CYP2C8: variants seen among roughly 807,000 people sequenced by gnomAD.
CYP2C8 encodes cytochrome P450 family 2 subfamily C member 8.
In CYP2C8, 51 loss-of-function variants were observed where a neutral mutation model predicts 41.3. The ratio of observed to expected loss-of-function variants is 1.24; its 90% CI spans 0.99 to 1.56. The LOEUF is 1.56. Among genes scored for constraint, CYP2C8 ranks in the 40% most tolerant of loss-of-function variants. The probability of loss-of-function intolerance (pLI) is 0.00; values close to 1 mark genes in which losing one functional copy is unlikely to be tolerated. For synonymous variants in CYP2C8, 218 were observed against 205.8 expected (o/e 1.06, Z -0.51); for missense variants, 651 against 579.9 (o/e 1.12, Z -1.26).
intron 6 of CYP2C8, among the ~76,000 whole-genome samples, chr10:95,044,493 G>A (rs2033069548): frequency 6.6e-6 from 1 of 152,172 alleles, no homozygotes; most frequent in Non-Finnish European, 1.5e-5. Flanking sequence ...GCAAAATACG[G>A]AGGTCTTTTC....
chr10:95,043,109 C>A, intron 6 of CYP2C8, 32 bp from the exon 7 acceptor site: 1 of 1,602,820 alleles, frequency 6.2e-7, no homozygotes, highest in Non-Finnish European at 8.5e-7. Context: ...CTGATGGAAA[C>A]GAAGATATAT....
At chr10:95,053,040 C>A (rs200603654) in intron 5 of CYP2C8, among the ~76,000 whole-genome samples, 2 of 59,432 alleles carry the variant, frequency 3.4e-5, no homozygotes, top group Non-Finnish European at 6.6e-5. Context: ...TTTAAAAAAA[C>A]ATAAAGACTC....
intron 7 of CYP2C8, 174 bp from the exon 8 acceptor site, chr10:95,039,212 G>C (rs1041613073): frequency 1.6e-6 from 1 of 636,570 alleles, no homozygotes; most frequent in African/African-American, 1.8e-5. Flanking sequence ...TTGCTAAAGA[G>C]CTTTCCAATC....
intron 3 of CYP2C8, among the ~76,000 whole-genome samples, chr10:95,066,153 A>AGTGTGTGTGTGT (rs113983526): frequency 1.1e-5 from 1 of 88,272 alleles, no homozygotes; most frequent in African/African-American, 4.5e-5. Context: ...AGAGAGAGAG[A>AGTGTGTGTGTGT]GTGTGTGTGT....
chr10:95,043,154 A>C (rs2033040938), intron 6 of CYP2C8, 77 bp from the exon 7 acceptor site: 34 of 1,344,694 alleles, frequency 2.5e-5, no homozygotes, highest in Non-Finnish European at 1.5e-5. Flanking sequence ...GGCCACATTA[A>C]CATGATATAA....
At chr10:95,044,945 C>A (rs1027556958) in intron 6 of CYP2C8, among the ~76,000 whole-genome samples, 1 of 152,228 alleles carries the variant, frequency 6.6e-6, no homozygotes, top group South Asian at 2.1e-4. Context: ...GTCAGCCCTC[C>A]ATTGTCTCTC....
chr10:95,065,030 C>T, intron 3 of CYP2C8, 70 bp from the exon 4 acceptor site: 1 of 1,270,626 alleles, frequency 7.9e-7, no homozygotes, highest in Non-Finnish European at 1.0e-6. Context: ...TTTGTTAAGA[C>T]ATAAAGGAAA....
chr10:95,058,214 A>C (rs1021962698), intron 5 of CYP2C8, 121 bp downstream of exon 5: 51 of 1,417,818 alleles, frequency 3.6e-5, no homozygotes, highest in African/African-American at 3.4e-4. Context: ...ATAAGTAATT[A>C]AGATGCTTGT....
chr10:95,057,353 G>T (rs753911961), intron 5 of CYP2C8, among the ~76,000 whole-genome samples: 5 of 152,054 alleles, frequency 3.3e-5, no homozygotes, highest in Non-Finnish European at 5.9e-5. Flanking sequence ...TATGGTATAT[G>T]AATTTCATCT....
At chr10:95,040,622 C>T (rs1351932898) in intron 7 of CYP2C8, among the ~76,000 whole-genome samples, 2 of 152,084 alleles carry the variant, frequency 1.3e-5, no homozygotes, top group Admixed American at 6.5e-5. Context: ...GCCCCAGTGA[C>T]GGAAGAACTT....
At chr10:95,055,711 A>G (rs1397455980) in intron 5 of CYP2C8, among the ~76,000 whole-genome samples, 6 of 152,202 alleles carry the variant, frequency 3.9e-5, no homozygotes, top group Admixed American at 2.6e-4. Context: ...TTTGTATTTC[A>G]TACGTATTTA....
chr10:95,048,250 T>C (rs1172014167), intron 5 of CYP2C8, among the ~76,000 whole-genome samples: 1 of 152,228 alleles, frequency 6.6e-6, no homozygotes. Context: ...CTTCTGAGGA[T>C]AATTGAACAT....
At chr10:95,061,635 T>G (rs531061150) in intron 4 of CYP2C8, among the ~76,000 whole-genome samples, 1 of 152,144 alleles carries the variant, frequency 6.6e-6, no homozygotes, top group African/African-American at 2.4e-5. Context: ...GTGTCTCTAT[T>G]TCCTTCAGTT....
chr10:95,037,807 T>C (rs1349728311), intron 8 of CYP2C8, among the ~76,000 whole-genome samples: 1 of 152,236 alleles, frequency 6.6e-6, no homozygotes, highest in Non-Finnish European at 1.5e-5. Context: ...AAGTTTCATA[T>C]CCTGTTGTTC....
intron 7 of CYP2C8, among the ~76,000 whole-genome samples, chr10:95,041,609 G>A (rs1312092824): frequency 1.3e-5 from 2 of 149,874 alleles, no homozygotes; most frequent in South Asian, 2.1e-4. Flanking sequence ...GTGAAACCCC[G>A]TCTCTACTAA....
chr10:95,054,287 TAGAA>T (rs2033269340), intron 5 of CYP2C8, among the ~76,000 whole-genome samples: 1 of 152,004 alleles, frequency 6.6e-6, no homozygotes, highest in Non-Finnish European at 1.5e-5. Flanking sequence ...ACCACCATAT[TAGAA>T]AGAAAGGAAA....
At chr10:95,040,919 C>T in intron 7 of CYP2C8, 1 of 456,240 alleles carries the variant, frequency 2.2e-6, no homozygotes, top group Non-Finnish European at 4.4e-6. Flanking sequence ...GAACGTTTCT[C>T]ACCTAGTTTT....
At chr10:95,066,145 A>AGTGT (rs1296689212) in intron 3 of CYP2C8, among the ~76,000 whole-genome samples, 109 of 114,616 alleles carry the variant, frequency 9.5e-4, no homozygotes, top group African/African-American at 3.7e-3. Flanking sequence ...AGAGAGAGAG[A>AGTGT]GAGAGAGAGT....
chr10:95,065,148 A>T (rs1447359352), intron 3 of CYP2C8, among the ~76,000 whole-genome samples, 188 bp from the exon 4 acceptor site: 1 of 152,240 alleles, frequency 6.6e-6, no homozygotes, highest in East Asian at 1.9e-4. Flanking sequence ...TGAGCATTAC[A>T]GGCTAGCTAA....
Sources: allele counts gnomAD v4.1 joint callset (sites outside exome capture counted in the v4.1 genomes callset), GRCh38; gene constraint gnomAD v4.1.1; transcripts MANE v1.5; gene names NCBI Gene and HGNC (gene_info 2026-07-23, HGNC 2026-07-21).